Variants in TMEM132D observed in about 807,000 individuals in gnomAD.
The protein encoded by TMEM132D is mature OL transmembrane protein.
TMEM132D carries 21 observed loss-of-function variants against 62.3 expected under a neutral mutation model. The observed-to-expected ratio is 0.34, with a 90% CI of 0.24 to 0.49. TMEM132D has a LOEUF of 0.49. TMEM132D is among the 20% of genes least tolerant of loss of function. The probability of loss-of-function intolerance (pLI) is 0.99; values close to 1 mark genes in which losing one functional copy is unlikely to be tolerated. For missense variants in TMEM132D, 1,346 were observed against 1,402.8 expected (o/e 0.96, Z 0.65); for synonymous variants, 621 against 575.6 (o/e 1.08, Z -1.13).
At chr12:129,089,803 T>C (rs1028242133) in intron 5 of TMEM132D, among the ~76,000 whole-genome samples, 6 of 152,208 alleles carry the variant, frequency 3.9e-5, no homozygotes, top group African/African-American at 1.4e-4. Context: ...AGCCCGGAGA[T>C]AGAACTTTTC....
At chr12:129,376,565 A>G (rs1870787685) in intron 3 of TMEM132D, among the ~76,000 whole-genome samples, 1 of 152,166 alleles carries the variant, frequency 6.6e-6, no homozygotes, top group South Asian at 2.1e-4. Flanking sequence ...CAGCCAAACC[A>G]TATCAGGCTG....
intron 4 of TMEM132D, among the ~76,000 whole-genome samples, chr12:129,298,793 A>G (rs934234935): frequency 2.6e-5 from 4 of 152,180 alleles, no homozygotes; most frequent in Admixed American, 2.0e-4. Flanking sequence ...CCATCTATAG[A>G]GAGCCAAAGA....
At chr12:129,634,007 TC>T (rs776684801) in intron 2 of TMEM132D, among the ~76,000 whole-genome samples, 3 of 152,130 alleles carry the variant, frequency 2.0e-5, no homozygotes, top group Non-Finnish European at 4.4e-5. Flanking sequence ...GCGGAGGAAG[TC>T]CTGGAGCTTT....
chr12:129,830,208 G>A (rs73160256), intron 1 of TMEM132D, among the ~76,000 whole-genome samples: 1 of 152,072 alleles, frequency 6.6e-6, no homozygotes, highest in Non-Finnish European at 1.5e-5. Flanking sequence ...ACAAACATAT[G>A]TGATACACAC....
intron 5 of TMEM132D, among the ~76,000 whole-genome samples, chr12:129,173,932 G>A (rs1218317652): frequency 6.6e-6 from 1 of 152,048 alleles, no homozygotes; most frequent in South Asian, 2.1e-4. Flanking sequence ...AGAGAGACAC[G>A]AATATCTCCA....
At chr12:129,666,811 A>G (rs1055472499) in intron 2 of TMEM132D, among the ~76,000 whole-genome samples, 2 of 152,252 alleles carry the variant, frequency 1.3e-5, no homozygotes, top group African/African-American at 4.8e-5. Context: ...CTGGAGAAAC[A>G]GTTTTACATA....
chr12:129,349,574 G>C (rs1403483196), intron 3 of TMEM132D, among the ~76,000 whole-genome samples: 1 of 152,148 alleles, frequency 6.6e-6, no homozygotes, highest in Non-Finnish European at 1.5e-5. Flanking sequence ...CAGGTAACTT[G>C]GGCCTGTGAA....
chr12:129,086,004 C>T (rs929451824), intron 5 of TMEM132D: 1 of 152,226 alleles, frequency 6.6e-6, no homozygotes, highest in South Asian at 2.1e-4. Flanking sequence ...ATAAACGTTA[C>T]CTTACTTGTC....
chr12:129,726,185 C>T (rs1869029545), intron 1 of TMEM132D, among the ~76,000 whole-genome samples: 1 of 152,174 alleles, frequency 6.6e-6, no homozygotes, highest in Non-Finnish European at 1.5e-5. Context: ...CCATGGATCC[C>T]CCATGCACCT....
intron 3 of TMEM132D, 97 bp downstream of exon 3, chr12:129,530,962 A>T: frequency 7.6e-7 from 1 of 1,318,070 alleles, no homozygotes; most frequent in Non-Finnish European, 1.0e-6. Flanking sequence ...AATGCAAACC[A>T]CAGTGGAAAT....
At chr12:129,309,462 T>C (rs1881920739) in intron 4 of TMEM132D, among the ~76,000 whole-genome samples, 1 of 152,196 alleles carries the variant, frequency 6.6e-6, no homozygotes, top group African/African-American at 2.4e-5. Context: ...TTCTCTTTTA[T>C]AATAATACAC....
intron 4 of TMEM132D, among the ~76,000 whole-genome samples, chr12:129,253,563 T>A (rs1196148427): frequency 6.6e-6 from 1 of 152,260 alleles, no homozygotes; most frequent in Non-Finnish European, 1.5e-5. Flanking sequence ...GTCTGTCCAC[T>A]GGGCTTTATA....
intron 5 of TMEM132D, 148 bp from the exon 6 acceptor site, chr12:129,084,850 G>A (rs1874564788): frequency 1.5e-6 from 1 of 661,616 alleles, no homozygotes; most frequent in African/African-American, 1.8e-5. Flanking sequence ...CTGGTATGGA[G>A]CAGACATTGG....
chr12:129,641,847 A>G (rs1209723062), intron 2 of TMEM132D, among the ~76,000 whole-genome samples: 1 of 152,186 alleles, frequency 6.6e-6, no homozygotes, highest in Admixed American at 6.5e-5. Context: ...CAAGTCCTGC[A>G]GCAGCGCATC....
At chr12:129,710,103 A>T (rs1593129763) in intron 1 of TMEM132D, among the ~76,000 whole-genome samples, 1 of 152,208 alleles carries the variant, frequency 6.6e-6, no homozygotes, top group South Asian at 2.1e-4. Context: ...ACGTATGAAA[A>T]GAAAGTCTCA....
intron 3 of TMEM132D, among the ~76,000 whole-genome samples, chr12:129,462,191 A>G (rs1297222096): frequency 6.6e-6 from 1 of 152,094 alleles, no homozygotes. Flanking sequence ...TTGGGGTAAG[A>G]TTATTAAAGG....
At chr12:129,213,282 C>T (rs1292034959) in intron 4 of TMEM132D, among the ~76,000 whole-genome samples, 1 of 152,162 alleles carries the variant, frequency 6.6e-6, no homozygotes, top group East Asian at 1.9e-4. Flanking sequence ...CACTTGAACC[C>T]AGGAGTTCGA....
intron 8 of TMEM132D, 75 bp downstream of exon 8, chr12:129,078,459 G>A: frequency 4.8e-6 from 7 of 1,472,358 alleles, no homozygotes; most frequent in Non-Finnish European, 6.5e-6. Context: ...GACCCGCCTG[G>A]CGTGGTGCCT....
chr12:129,675,611 A>G (rs528322448), intron 2 of TMEM132D, among the ~76,000 whole-genome samples: 1 of 152,360 alleles, frequency 6.6e-6, no homozygotes, highest in South Asian at 2.1e-4. Context: ...CCATGATAAG[A>G]AGGAAAAGTT....
Sources: gnomAD v4.1 joint callset for allele counts (sites outside exome capture counted in the v4.1 genomes callset) on GRCh38, gnomAD v4.1.1 for gene constraint, MANE v1.5 for transcripts, NCBI Gene and HGNC (gene_info 2026-07-23, HGNC 2026-07-21) for gene names.